RASA3: variants seen among roughly 807,000 people sequenced by gnomAD.
RASA3 encodes RAS p21 protein activator 3.
RASA3 carries 73 observed loss-of-function variants against 110.0 expected under a neutral mutation model. The ratio of observed to expected loss-of-function variants is 0.66; its 90% confidence interval spans 0.55 to 0.81. RASA3 has a LOEUF of 0.81. Ranked by LOEUF, RASA3 falls within the 30% of genes least tolerant of loss-of-function variation. RASA3 has a pLI of 0.00. For synonymous variants in RASA3, 500 were observed against 451.4 expected (o/e 1.11, Z -1.37); for missense variants, 976 against 1,113.2 (o/e 0.88, Z 1.75).
intron 18 of RASA3, among the ~76,000 whole-genome samples, chr13:114,004,934 C>T (rs2053481339): frequency 6.6e-6 from 1 of 152,238 alleles, no homozygotes; most frequent in South Asian, 2.1e-4. Context: ...CATGCTACTC[C>T]ACCATCAAGA....
chr13:114,013,468 CCTGT>C (rs1299673403), intron 14 of RASA3, among the ~76,000 whole-genome samples: 22 of 141,894 alleles, frequency 1.6e-4, no homozygotes, highest in African/African-American at 2.4e-4. Flanking sequence ...TGTCTCTCTC[CCTGT>C]CTCTCTCCGT....
At chr13:114,003,815 T>A (rs2053456389) in intron 18 of RASA3, among the ~76,000 whole-genome samples, 1 of 152,350 alleles carries the variant, frequency 6.6e-6, no homozygotes. Flanking sequence ...TAATTTAGAT[T>A]GTGAGGTCCG....
chr13:114,132,164 G>A (rs549132447), intron 1 of RASA3, among the ~76,000 whole-genome samples: 3 of 152,312 alleles, frequency 2.0e-5, no homozygotes, highest in East Asian at 3.9e-4. Context: ...CACCTCCTCC[G>A]CCGCTACCAG....
At chr13:113,994,098 G>A (rs927425708) in intron 21 of RASA3, among the ~76,000 whole-genome samples, 1 of 152,168 alleles carries the variant, frequency 6.6e-6, no homozygotes, top group Non-Finnish European at 1.5e-5. Flanking sequence ...TGAAACGTCT[G>A]TAATTTTTTC....
chr13:114,097,905 C>T (rs980428679), intron 1 of RASA3, among the ~76,000 whole-genome samples: 1 of 152,202 alleles, frequency 6.6e-6, no homozygotes, highest in South Asian at 2.1e-4. Flanking sequence ...GCACGCCGTG[C>T]AGCAGTGCAG....
At position 114,018,176 on chromosome 13, in the gene RASA3, C is replaced by CT; in HGVS notation, c.1018_1019insA (p.Arg340GlnfsTer72). On this transcript the variant is annotated frameshift_variant, in exon 11 of 24. Transcript: ENST00000334062. LOFTEE classifies it high-confidence loss of function. ...CACCCTGCCATAGTGTAGGAAGAGC[C>CT]GCACCAGCGGGACGGCCGCCTCCTG... The CT allele has an allele frequency of 6.4e-7, 1 of 1,551,532 alleles. No individual in the cohort carries two copies. Among genetic ancestry groups the CT allele is most frequent in the Non-Finnish European group, 8.7e-7 (1 of 1,147,592 alleles).
At chr13:114,040,910 A>T in intron 4 of RASA3, 90 bp downstream of exon 4, 2 of 1,228,048 alleles carry the variant, frequency 1.6e-6, no homozygotes, top group Non-Finnish European at 2.4e-6. Context: ...AGCCCGATCT[A>T]CGTCTTTAGC....
chr13:114,070,750 C>T (rs1477565506), intron 2 of RASA3, among the ~76,000 whole-genome samples: 11 of 136,444 alleles, frequency 8.1e-5, no homozygotes, highest in Non-Finnish European at 1.6e-4. Flanking sequence ...CCACGCTAAA[C>T]GGCTCCACAG....
At chr13:113,998,813 T>C (rs1045567115) in intron 20 of RASA3, among the ~76,000 whole-genome samples, 25 of 152,132 alleles carry the variant, frequency 1.6e-4, no homozygotes, top group African/African-American at 5.6e-4. Context: ...GAGTGTCCAG[T>C]GGGCCAGACG....
In RASA3 at chr13:114,112,648, T is replaced by TG. The variant is rs1190019939; in HGVS notation, c.55+19786dup. ...AAGGGTTGGTAACTGGAGAATGGGGTGGGGGTATGCCAGCTCTCCCTGCTT... is the reference window on the plus strand; with the variant it reads ...AAGGGTTGGTAACTGGAGAATGGGGTGGGGGGTATGCCAGCTCTCCCTGCTT... On this transcript the variant is annotated intron_variant, in intron 1 of 23. Transcript: ENST00000334062. This position sits in a 1 kb window ranked among gnomAD's most constrained non-coding sequence, Gnocchi z 4.8. Among the ~76,000 whole-genome samples the TG allele has an allele frequency of 2.0e-5, 3 of 151,012 alleles. No individual in the cohort carries two copies. Among genetic ancestry groups the TG allele is most frequent in the Non-Finnish European group, 4.4e-5 (3 of 67,782 alleles).
intron 12 of RASA3, 114 bp downstream of exon 12, chr13:114,017,123 G>A: frequency 1.1e-6 from 1 of 926,226 alleles, no homozygotes. Context: ...GAGGCCAGAG[G>A]GGCCGACATT....
At chr13:114,052,544 A>G (rs1039960544) in intron 2 of RASA3, among the ~76,000 whole-genome samples, 8 of 152,220 alleles carry the variant, frequency 5.3e-5, no homozygotes, top group African/African-American at 1.9e-4. Context: ...TGCATTAAAC[A>G]TAAAACACAG....
At position 114,123,232 on chromosome 13, in the gene RASA3, A is replaced by G. The variant is rs190445466; in HGVS notation, c.55+9203T>C. 1.0e-3 allele frequency among the ~76,000 whole-genome samples: 154 copies of G among 152,340 alleles called. 2 individuals carry two copies. In the East Asian group the frequency reaches 0.025, roughly 24 times the overall value. ...CTGAGGCTGGTCCTCAGGCTCCCAG[A>G]GCAATGGCTGCTCTGGGGAAGAGAA... On this transcript the variant is annotated intron_variant, in intron 1 of 23. Coordinates refer to ENST00000334062, the MANE Select transcript of RASA3 (RefSeq NM_007368.4).
chr13:114,026,516 G>A lies in RASA3; in HGVS notation c.603+873C>T, dbSNP rs1018206751. ...GGACACCAAGTTCCCACCTCTGCCT[G>A]TGGGGCCCTTTCGAGCCTCAGCAGT... On this transcript the variant is annotated intron_variant, in intron 7 of 23. Transcript: ENST00000334062. 5.3e-5 allele frequency among the ~76,000 whole-genome samples: 8 copies of A among 152,348 alleles called. No individual in the cohort carries two copies. In the South Asian group the frequency reaches 1.7e-3, roughly 32 times the overall value.
At chr13:113,995,844 G>A (rs1222631901) in intron 21 of RASA3, among the ~76,000 whole-genome samples, 22 of 65,158 alleles carry the variant, frequency 3.4e-4, no homozygotes, top group Non-Finnish European at 5.9e-4. Context: ...CGGGGGGCCC[G>A]GCTGACGGGG....
At chr13:113,979,471 G>T (rs2052856971) in intron 23 of RASA3, 49 bp from the exon 24 acceptor site, 1 of 1,421,398 alleles carries the variant, frequency 7.0e-7, no homozygotes, top group Non-Finnish European at 9.9e-7. Flanking sequence ...CCGTTGCCTG[G>T]TGCTCACCCG....
chr13:114,015,061 C>T, intron 14 of RASA3, 148 bp downstream of exon 14: 1 of 1,176,480 alleles, frequency 8.5e-7, no homozygotes, highest in Non-Finnish European at 1.2e-6. Context: ...CGGGCACAAA[C>T]CCCGGAAAAA....
chr13:114,068,375 G>A (rs546155225), intron 2 of RASA3, among the ~76,000 whole-genome samples: 1 of 152,374 alleles, frequency 6.6e-6, no homozygotes, highest in East Asian at 1.9e-4. Flanking sequence ...CCACGTGGGC[G>A]CAGAGGAAGC....
chr13:114,057,434 T>C lies in RASA3; in HGVS notation c.174-5279A>G. Reference sequence around the variant, plus strand: ...GCTACAGGCCTTGCACTCATTTTAATGAAGGCTCTGCAGGATTTCAAGGAA... The same window carrying C: ...GCTACAGGCCTTGCACTCATTTTAACGAAGGCTCTGCAGGATTTCAAGGAA... On this transcript the variant is annotated intron_variant, in intron 2 of 23. Coordinates refer to ENST00000334062, the MANE Select transcript of RASA3 (RefSeq NM_007368.4). This position sits in a 1 kb window ranked among gnomAD's most constrained non-coding sequence, Gnocchi z 5.0. 2 of 985,412 alleles carry C rather than the reference T, an allele frequency of 2.0e-6. No homozygotes were observed. The highest frequency in any genetic ancestry group is 2.4e-6 in the Non-Finnish European group (2 of 829,920). 61.0% of individuals were successfully genotyped at this position (985,412 alleles called of 1,614,324 possible).
Sources: allele counts gnomAD v4.1 joint callset (sites outside exome capture counted in the v4.1 genomes callset), GRCh38; gene constraint gnomAD v4.1.1; non-coding constraint Gnocchi (gnomAD v3.1); transcripts MANE v1.5; gene names NCBI Gene and HGNC (gene_info 2026-07-23, HGNC 2026-07-21).